BIRC6: variants seen among roughly 807,000 people sequenced by gnomAD.
The protein encoded by BIRC6 is baculoviral IAP repeat containing 6.
A neutral mutation model predicts 503.3 loss-of-function variants in BIRC6; 98 were observed. The observed-to-expected ratio is 0.19, with a 90% CI of 0.17 to 0.23. BIRC6 has a LOEUF of 0.23. BIRC6 is among the 10% of genes least tolerant of loss of function. BIRC6 has a pLI of 1.00. For missense variants in BIRC6, 5,360 were observed against 5,806.0 expected (o/e 0.92, Z 2.50); for synonymous variants, 2,240 against 2,078.7 (o/e 1.08, Z -2.11).
At position 32,415,865 on chromosome 2, in the gene BIRC6, G is replaced by A. The variant is rs150163773; in HGVS notation, c.2574G>A (p.Ser858=). Residue 858 remains serine, a synonymous_variant, in exon 10 of 74, where the codon TCG becomes TCA. Coordinates refer to ENST00000421745, the MANE Select transcript of BIRC6 (RefSeq NM_016252.4). ...AAGATCCCCAGGACACAATTACCTCGCTCATTTTGCTTCCACCCGATATAT... is the reference window on the plus strand; with the variant it reads ...AAGATCCCCAGGACACAATTACCTCACTCATTTTGCTTCCACCCGATATAT... The part of the protein sequence containing the change: ...HIKDPQDTIT[S]LILLPPDILD... 18 of 1,613,732 alleles carry A rather than the reference G, an allele frequency of 1.1e-5. No individual in the cohort carries two copies. The highest frequency in any genetic ancestry group is 1.6e-4 in the Middle Eastern group (1 of 6,084).
intron 3 of BIRC6, among the ~76,000 whole-genome samples, chr2:32,386,442 C>CTTTTTTTTT (rs752857568): frequency 1.4e-5 from 2 of 147,820 alleles, no homozygotes; most frequent in Non-Finnish European, 1.5e-5. Flanking sequence ...AAGTCTCTCT[C>CTTTTTTTTT]TCTTTTTTTT....
At chr2:32,484,112 A>G (rs769286746) in intron 39 of BIRC6, among the ~76,000 whole-genome samples, 1 of 152,152 alleles carries the variant, frequency 6.6e-6, no homozygotes, top group Non-Finnish European at 1.5e-5. Context: ...CCTGAGCTCA[A>G]GCAGTCCGCC....
chr2:32,452,878 T>A (rs1358911334), intron 22 of BIRC6, among the ~76,000 whole-genome samples: 1 of 152,076 alleles, frequency 6.6e-6, no homozygotes, highest in Non-Finnish European at 1.5e-5. Context: ...GCAATAAGCA[T>A]TTTTTGGAGC....
At chr2:32,494,906 C>T (rs1029317076) in intron 45 of BIRC6, among the ~76,000 whole-genome samples, 28 of 152,084 alleles carry the variant, frequency 1.8e-4, no homozygotes, top group Admixed American at 7.2e-4. Context: ...GACAGAACAA[C>T]ACTCTTTCTC....
intron 65 of BIRC6, among the ~76,000 whole-genome samples, chr2:32,573,195 A>C (rs886859114): frequency 6.6e-6 from 1 of 151,884 alleles, no homozygotes; most frequent in African/African-American, 2.4e-5. Context: ...GTTTTCAGTA[A>C]ATGTTTTTTG....
chr2:32,433,000 A>T (rs531493508), intron 12 of BIRC6, among the ~76,000 whole-genome samples: 2 of 152,266 alleles, frequency 1.3e-5, no homozygotes, highest in Non-Finnish European at 2.9e-5. Context: ...TAGTGAAAAG[A>T]GTCGTTAGAT....
At chr2:32,536,786 C>A (rs186525790) in intron 61 of BIRC6, among the ~76,000 whole-genome samples, 8 of 152,148 alleles carry the variant, frequency 5.3e-5, no homozygotes, top group African/African-American at 1.7e-4. Context: ...CTTGGCAATG[C>A]GGGCTCTTTT....
intron 65 of BIRC6, among the ~76,000 whole-genome samples, chr2:32,559,641 G>A (rs1466586064): frequency 6.6e-6 from 1 of 150,674 alleles, no homozygotes; most frequent in East Asian, 1.9e-4. Context: ...AAAAGCACAT[G>A]TCTTAAAAGG....
chr2:32,545,726 T>C lies in BIRC6; in HGVS notation c.12676T>C (p.Leu4226=). Reference sequence around the variant, plus strand: ...TCGTAGCTTGTTTAGCACTACACCTTTGACAACTGATGATGGTGTACTTCT... The same window carrying C: ...TCGTAGCTTGTTTAGCACTACACCTCTGACAACTGATGATGGTGTACTTCT... The part of the protein sequence containing the change: ...VLRSLFSTTP[L]TTDDGVLLRR... Residue 4226 remains leucine, a synonymous_variant, in exon 63 of 74, where the codon TTG becomes CTG. Coordinates refer to ENST00000421745, the MANE Select transcript of BIRC6 (RefSeq NM_016252.4). The C allele has an allele frequency of 1.2e-6, 2 of 1,613,970 alleles. No individual in the cohort carries two copies. The highest frequency in any genetic ancestry group is 1.7e-6 in the Non-Finnish European group (2 of 1,179,850).
In BIRC6 at chr2:32,529,756, G is replaced by A. The variant is rs1353906962; in HGVS notation, c.12026G>A (p.Gly4009Glu). 6 of 1,613,376 alleles carry A rather than the reference G, an allele frequency of 3.7e-6. No homozygotes were observed. The highest frequency in any genetic ancestry group is 1.7e-4 in the Middle Eastern group (1 of 6,056). ...YRSIDLTVKL[G>E]SRVITDPSLS... is the part of the protein sequence containing the mutation. ...TCAATAGATCTGACTGTTAAATTGG[G>A]ATCAAGAGTTATAACAGACCCCAGT... The change falls in exon 60 of 74, where the codon GGA becomes GAA. Residue 4009 changes from glycine (G) to glutamate (E), a missense_variant. By Grantham distance (98) the Gly-to-Glu change is moderately conservative. Around this residue, in one of 16 missense-constraint regions of BIRC6, gnomAD observed 878 missense variants for 928.9 expected, o/e 0.95. Coordinates refer to ENST00000421745, the MANE Select transcript of BIRC6 (RefSeq NM_016252.4).
rs1198271868 is a variant in BIRC6 at position 32,404,090 on chromosome 2, G to C, written c.1419-2409G>C. ...ACTACAGGTGCCCACGACCCCTCCTGGCTAATTTTTTGTATTTTTAGTAGA... is the reference window on the plus strand; with the variant it reads ...ACTACAGGTGCCCACGACCCCTCCTCGCTAATTTTTTGTATTTTTAGTAGA... On this transcript the variant is annotated intron_variant, in intron 8 of 73. Transcript: ENST00000421745. 2.0e-5 allele frequency among the ~76,000 whole-genome samples: 3 copies of C among 151,612 alleles called. No individual in the cohort carries two copies. In the East Asian group the frequency reaches 5.8e-4, roughly 30 times the overall value.
chr2:32,395,444 A>T, intron 5 of BIRC6, 67 bp from the exon 6 acceptor site: 1 of 1,225,584 alleles, frequency 8.2e-7, no homozygotes, highest in Non-Finnish European at 1.2e-6. Flanking sequence ...TTTAAAAATA[A>T]CTTTTATTAT....
chr2:32,357,168 A>G lies in BIRC6; in HGVS notation c.7A>G (p.Thr3Ala). The change falls in exon 1 of 74, where the codon ACT (threonine) becomes GCT (alanine). Residue 3 changes from threonine to alanine, a missense_variant. Coordinates refer to ENST00000421745, the MANE Select transcript of BIRC6 (RefSeq NM_016252.4). This position sits in a 1 kb window ranked among gnomAD's most constrained non-coding sequence, Gnocchi z 4.9. MV[T>A]GGGAAPPGTV... ...GCTTGCCCCCTGGCCCCGGATGGTG[A>G]CTGGTGGTGGTGCTGCACCTCCCGG... 1 of 1,519,168 alleles carries G rather than the reference A, an allele frequency of 6.6e-7. No individual in the cohort carries two copies. Among genetic ancestry groups the G allele is most frequent in the Non-Finnish European group, 8.7e-7 (1 of 1,143,878 alleles). The allele number at this position is 1,519,168 out of a possible 1,614,324, so 94.1% of individuals were successfully genotyped here.
Position 32,357,098 on chromosome 2 carries a change from C to T in BIRC6, c.-64C>T, listed in dbSNP as rs1573587654. ...CCCTCCGGCCGGGCGATCGACGTTCCGCGTGCGTGCGGGCGCCTGACTTCA... is the reference window on the plus strand; with the variant it reads ...CCCTCCGGCCGGGCGATCGACGTTCTGCGTGCGTGCGGGCGCCTGACTTCA... On this transcript the variant is annotated 5_prime_UTR_variant, in exon 1 of 74. Coordinates refer to ENST00000421745, the MANE Select transcript of BIRC6 (RefSeq NM_016252.4). This position sits in a 1 kb window ranked among gnomAD's most constrained non-coding sequence, Gnocchi z 4.9. 3.7e-6 allele frequency: 5 copies of T among 1,353,604 alleles called. No homozygotes were observed. The highest frequency in any genetic ancestry group is 3.3e-5 in the Admixed American group (1 of 30,660). The allele number at this position is 1,353,604 out of a possible 1,614,324, so 83.8% of individuals were successfully genotyped here.
intron 10 of BIRC6, among the ~76,000 whole-genome samples, chr2:32,420,693 G>C (rs2042840090): frequency 6.6e-6 from 1 of 151,796 alleles, no homozygotes; most frequent in African/African-American, 2.4e-5. Flanking sequence ...TGTATTTTTA[G>C]TAGAGATGAG....
intron 66 of BIRC6, among the ~76,000 whole-genome samples, chr2:32,580,798 A>C (rs925967077): frequency 1.4e-4 from 21 of 152,298 alleles, no homozygotes; most frequent in African/African-American, 5.1e-4. Context: ...TTTGGTACTC[A>C]TCAGCACTCT....
chr2:32,493,595 A>G lies in BIRC6; in HGVS notation c.8396A>G (p.His2799Arg). The G allele has an allele frequency of 6.2e-7, 1 of 1,609,396 alleles. No individual in the cohort carries two copies. The highest frequency in any genetic ancestry group is 8.5e-7 in the Non-Finnish European group (1 of 1,176,674). Residue 2799 changes from histidine (H) to arginine (R), a missense_variant, in exon 45 of 74, where the codon CAT becomes CGT. His to Arg is a conservative substitution (Grantham distance 29, BLOSUM62 0). Transcript: ENST00000421745. ...GAATTTCTTACTCGATTACAAGTGC[A>G]TCTTTCTTCAACATGTCCTCAGATA... is the stretch of plus-strand genomic sequence containing the variant. ...MQEFLTRLQV[H>R]LSSTCPQIFS...
chr2:32,388,319 T>C (rs1573854607), intron 3 of BIRC6, among the ~76,000 whole-genome samples: 1 of 151,374 alleles, frequency 6.6e-6, no homozygotes, highest in Non-Finnish European at 1.5e-5. Context: ...GAGGCAGAGG[T>C]TGCAGTGAGC....
chr2:32,517,299 A>G (rs1318400138), intron 55 of BIRC6, among the ~76,000 whole-genome samples: 2 of 152,122 alleles, frequency 1.3e-5, no homozygotes, highest in Non-Finnish European at 2.9e-5. Flanking sequence ...CTGAGATCAC[A>G]CCACTGCCCT....
Sources: allele counts gnomAD v4.1 joint callset (sites outside exome capture counted in the v4.1 genomes callset), GRCh38; gene constraint gnomAD v4.1.1; regional missense constraint gnomAD v4.1.1; non-coding constraint Gnocchi (gnomAD v3.1); transcripts MANE v1.5; gene names NCBI Gene and HGNC (gene_info 2026-07-23, HGNC 2026-07-21).